MYOF: variants seen among roughly 807,000 people sequenced by gnomAD.
MYOF encodes fer-1-like 3, myoferlin.
MYOF carries 244 observed loss-of-function variants against 284.2 expected under a neutral mutation model. The ratio of observed to expected loss-of-function variants is 0.86; its 90% CI spans 0.77 to 0.95. MYOF has a LOEUF of 0.95. MYOF is among the 40% of genes least tolerant of loss of function. The pLI is 0.00. For synonymous variants in MYOF, 904 were observed against 919.7 expected (o/e 0.98, Z 0.31); for missense variants, 2,496 against 2,560.6 (o/e 0.97, Z 0.54).
chr10:93,431,560 T>C (rs368745000), intron 3 of MYOF, 44 bp from the exon 4 acceptor site: 225 of 1,496,424 alleles, frequency 1.5e-4, no homozygotes, highest in Middle Eastern at 5.1e-4. Flanking sequence ...AAGTAGGAGA[T>C]AGGCTTCCAA....
rs747320460 is a variant in MYOF at position 93,374,902 on chromosome 10, T to G, written c.2162A>C (p.Gln721Pro). ...GKANVTVLDT[Q>P]IRKLRSRSLS... ...AGACCTGGACCGCAGCTTTCGGATCTGAGTATCGAGAACTGTGACGTTGGC... is the reference window on the plus strand; with the variant it reads ...AGACCTGGACCGCAGCTTTCGGATCGGAGTATCGAGAACTGTGACGTTGGC... The change falls in exon 23 of 54, where the codon CAG (glutamine) becomes CCG (proline). Residue 721 changes from glutamine to proline, a missense_variant. Coordinates refer to ENST00000359263, the MANE Select transcript of MYOF (RefSeq NM_013451.4). 1.2e-6 allele frequency: 2 copies of G among 1,614,130 alleles called. No homozygotes were observed. The highest frequency in any genetic ancestry group is 3.3e-5 in the Admixed American group (2 of 60,008).
At chr10:93,322,998 G>A in intron 48 of MYOF, 80 bp downstream of exon 48, 1 of 1,329,246 alleles carries the variant, frequency 7.5e-7, no homozygotes, top group Non-Finnish European at 1.1e-6. Flanking sequence ...CCTATCTTGG[G>A]CATATTCAGT....
chr10:93,325,563 TAGACTC>T (rs745716511), intron 46 of MYOF, among the ~76,000 whole-genome samples: 19 of 151,998 alleles, frequency 1.3e-4, no homozygotes, highest in Non-Finnish European at 2.5e-4. Context: ...GCAGATGAAA[TAGACTC>T]AGAGAAACAG....
intron 53 of MYOF, 25 bp from the exon 54 acceptor site, chr10:93,307,026 T>TA (rs752694081): frequency 9.1e-5 from 145 of 1,597,160 alleles, no homozygotes; most frequent in African/African-American, 3.8e-4. Flanking sequence ...AAAACAGTGG[T>TA]AAAAAAACAT....
At chr10:93,383,653 G>T (rs78621506) in intron 19 of MYOF, among the ~76,000 whole-genome samples, 4,001 of 152,298 alleles carry the variant, frequency 0.026, 93 homozygotes, top group Middle Eastern at 0.034. Flanking sequence ...AAGTTATTTG[G>T]ATTAGTCATA....
At chr10:93,356,981 A>C in intron 29 of MYOF, 133 bp from the exon 30 acceptor site, 2 of 944,284 alleles carry the variant, frequency 2.1e-6, no homozygotes, top group Admixed American at 2.9e-5. Flanking sequence ...ACTGAGCTAG[A>C]GTCAGGAATA....
At chr10:93,310,737 A>T in intron 51 of MYOF, 94 bp from the exon 52 acceptor site, 1 of 1,174,962 alleles carries the variant, frequency 8.5e-7, no homozygotes, top group Non-Finnish European at 1.2e-6. Context: ...AATGATTTTT[A>T]TTCTTGTAAA....
Position 93,409,609 on chromosome 10 carries a change from G to A in MYOF, c.564C>T (p.Ser188=), listed in dbSNP as rs1847805287. The change falls in exon 6 of 54, where the codon AGC becomes AGT. Residue 188 remains serine (S), a synonymous_variant. Transcript: ENST00000359263. The stretch of plus-strand genomic sequence containing the variant: ...GTGGCTTATTTGACAGCATCCGCCG[G>A]CTGTTCTTTACTTTGGTGAGCCTCC... The part of the protein sequence containing the change: ...LARRLTKVKN[S]RRMLSNKPQD... 1.2e-6 allele frequency: 2 copies of A among 1,614,122 alleles called. No individual in the cohort carries two copies. Among genetic ancestry groups the A allele is most frequent in the Non-Finnish European group, 1.7e-6 (2 of 1,180,012 alleles).
Position 93,328,787 on chromosome 10 carries a change from G to C in MYOF, c.5107C>G (p.Arg1703Gly). ...EDGSRIRYGG[R>G]DYSLDEFEAN... ...CCAAATTCATCCAAGCTGTAGTCTC[G>C]TCCTCCATATCTGATTCTACTCCCA... Residue 1703 changes from arginine (R) to glycine (G), a missense_variant, in exon 45 of 54, where the codon CGA (arginine) becomes GGA (glycine). By Grantham distance (125) the Arg-to-Gly change is moderately radical. Transcript: ENST00000359263. The C allele has an allele frequency of 6.2e-7, 1 of 1,612,616 alleles. No individual in the cohort carries two copies.
intron 48 of MYOF, among the ~76,000 whole-genome samples, chr10:93,322,336 A>ATAAC (rs1370187718): frequency 6.6e-6 from 1 of 152,226 alleles, no homozygotes; most frequent in African/African-American, 2.4e-5. Flanking sequence ...AATGCTTTGG[A>ATAAC]TAACTGGATC....
intron 20 of MYOF, among the ~76,000 whole-genome samples, chr10:93,380,569 C>T (rs1450766475): frequency 1.3e-5 from 2 of 152,172 alleles, no homozygotes; most frequent in East Asian, 1.9e-4. Flanking sequence ...TCCTCTCTCC[C>T]TTCTCTGTAC....
At chr10:93,422,586 C>T (rs1848399584) in intron 5 of MYOF, among the ~76,000 whole-genome samples, 1 of 152,140 alleles carries the variant, frequency 6.6e-6, no homozygotes, top group Non-Finnish European at 1.5e-5. Context: ...CACCTGAAGT[C>T]AGGAGTTCGA....
chr10:93,311,629 A>G (rs1474962328), intron 51 of MYOF, among the ~76,000 whole-genome samples: 2 of 151,104 alleles, frequency 1.3e-5, no homozygotes, highest in East Asian at 3.9e-4. Flanking sequence ...CCACTTTTAT[A>G]GTGAGCCATA....
rs1239411511 is a variant in MYOF at position 93,323,090 on chromosome 10, A to T, written c.5444T>A (p.Ile1815Asn). 9 of 1,613,684 alleles carry T rather than the reference A, an allele frequency of 5.6e-6. No individual in the cohort carries two copies. Among genetic ancestry groups the T allele is most frequent in the Admixed American group, 1.7e-5 (1 of 59,992 alleles). ...ATGCTAACCTTACCCTTTGACGTAG[A>T]TGTCACTCATTTCCTCTCCTGTGAT... Reference protein sequence around the residue: ...KSITGEEMSDIYVKGWIPGNE... With the variant: ...KSITGEEMSDNYVKGWIPGNE... The change falls in exon 48 of 54, where the codon ATC becomes AAC. Residue 1815 changes from isoleucine to asparagine, a missense_variant. Transcript: ENST00000359263.
chr10:93,320,062 T>C (rs765401923), intron 48 of MYOF, 49 bp from the exon 49 acceptor site: 18 of 1,605,608 alleles, frequency 1.1e-5, no homozygotes, highest in East Asian at 1.1e-4. Flanking sequence ...TGACAAGTCA[T>C]GTAGCCGCAA....
chr10:93,397,487 T>A (rs1312972385), intron 13 of MYOF, 31 bp from the exon 14 acceptor site: 1 of 1,539,568 alleles, frequency 6.5e-7, no homozygotes, highest in South Asian at 1.2e-5. Flanking sequence ...AAGTGTAGGT[T>A]TTCAAGTTTC....
At chr10:93,411,580 T>TG (rs984531916) in intron 5 of MYOF, among the ~76,000 whole-genome samples, 79 of 152,100 alleles carry the variant, frequency 5.2e-4, no homozygotes, top group African/African-American at 1.6e-3. Flanking sequence ...GAACCAGCTA[T>TG]GGGGGGTGTG....
intron 5 of MYOF, among the ~76,000 whole-genome samples, chr10:93,413,890 G>A (rs1432089117): frequency 1.3e-5 from 2 of 152,078 alleles, no homozygotes; most frequent in Non-Finnish European, 2.9e-5. Flanking sequence ...CTATTCGGGA[G>A]GCTAAGATGG....
chr10:93,328,436 C>A (rs1843151975), intron 45 of MYOF, among the ~76,000 whole-genome samples: 2 of 152,164 alleles, frequency 1.3e-5, no homozygotes, highest in Admixed American at 6.5e-5. Context: ...ATGGGATAAA[C>A]CTGGAAGGGA....
Sources: allele counts gnomAD v4.1 joint callset (sites outside exome capture counted in the v4.1 genomes callset), GRCh38; gene constraint gnomAD v4.1.1; transcripts MANE v1.5; gene names NCBI Gene and HGNC (gene_info 2026-07-23, HGNC 2026-07-21).